Variants in SAMSN1 observed in about 807,000 individuals in gnomAD.
SAMSN1 encodes SAM domain, SH3 domain and nuclear localization signals 1, also known as SAM domain-containing protein SAMSN-1.
A neutral mutation model predicts 42.0 loss-of-function variants in SAMSN1; 31 were observed. The observed-to-expected ratio is 0.74, with a 90% CI of 0.55 to 1.00. The LOEUF (loss-of-function observed/expected upper bound fraction) is 1.00, where lower values mean the gene tolerates loss of function less well. Ranked by LOEUF, SAMSN1 falls within the 50% of genes least tolerant of loss-of-function variation. The pLI is 0.00. For synonymous variants in SAMSN1, 178 were observed against 151.9 expected, an observed-to-expected ratio of 1.17 and a Z score of -1.26; for missense variants, 464 against 439.4, an observed-to-expected ratio of 1.06 and a Z score of -0.50.
chr21:14,561,038 C>T (rs1290954725), intron 2 of SAMSN1, among the ~76,000 whole-genome samples: 3 of 152,164 alleles, frequency 2.0e-5, no homozygotes, highest in African/African-American at 7.2e-5. Flanking sequence ...CCATTCCTTA[C>T]TGCTCAGGGG....
At chr21:14,584,825 T>C (rs1981868784), upstream of SAMSN1, among the ~76,000 whole-genome samples, 2 of 152,222 alleles carry the variant, frequency 1.3e-5, no homozygotes, top group East Asian at 3.8e-4. Flanking sequence ...TTTATAATAA[T>C]GCTTTCCAAT....
rs1327164401 is a variant in SAMSN1, at chr21:14,521,062, T to C, written c.129+88A>G. 3.7e-6 allele frequency: 3 copies of C among 800,308 alleles called. No individual in the cohort carries two copies. The Admixed American group carries it at 8.1e-5, about 22-fold the overall frequency. The allele number at this position is 800,308 out of a possible 1,614,324, so 49.6% of individuals were successfully genotyped here. On this transcript the variant is annotated intron_variant, in intron 2 of 7. Coordinates refer to ENST00000400566, the MANE Select transcript of SAMSN1 (RefSeq NM_022136.5). The stretch of plus-strand genomic sequence containing the variant: ...TAATTTTAAAATGTATTCATTTTTC[T>C]TATTTTACTTTGCAAAAGTGACATT...
At chr21:14,569,990 C>CA (rs368774943) in intron 2 of SAMSN1, among the ~76,000 whole-genome samples, 1 of 151,628 alleles carries the variant, frequency 6.6e-6, no homozygotes, top group African/African-American at 2.4e-5. Context: ...ACTTTCCCCC[C>CA]CCCCAGTTTT....
intron 7 of SAMSN1, among the ~76,000 whole-genome samples, chr21:14,493,571 AAC>A (rs779839095): frequency 1.2e-4 from 8 of 66,586 alleles, no homozygotes; most frequent in South Asian, 4.2e-4. Context: ...GTGTTTATGG[AAC>A]AACACACACA....
chr21:14,527,400 T>C (rs1978933479), intron 1 of SAMSN1, among the ~76,000 whole-genome samples: 1 of 152,176 alleles, frequency 6.6e-6, no homozygotes, highest in Non-Finnish European at 1.5e-5. Context: ...CTGTGGGGTG[T>C]CAGGAAACTG....
intron 2 of SAMSN1, 40 bp downstream of exon 2, chr21:14,521,110 T>G (rs776673853): frequency 1.6e-6 from 2 of 1,213,586 alleles, no homozygotes; most frequent in Non-Finnish European, 2.4e-6. Context: ...TTTCATAATG[T>G]GTTTGCATAA....
At chr21:14,602,502 G>A (rs944968346) in intron 5 of SAMSN1, among the ~76,000 whole-genome samples, 1 of 152,120 alleles carries the variant, frequency 6.6e-6, no homozygotes, top group Non-Finnish European at 1.5e-5. Context: ...AGCTTCATTA[G>A]CTTAGGTCTT....
chr21:14,562,702 G>A (rs116782243), intron 2 of SAMSN1, among the ~76,000 whole-genome samples: 148 of 151,836 alleles, frequency 9.7e-4, no homozygotes, highest in African/African-American at 3.4e-3. Context: ...TGTTTTTCTT[G>A]ATCTTTATCC....
chr21:14,658,911 T>A, upstream of SAMSN1: 1 of 633,486 alleles, frequency 1.6e-6, no homozygotes, highest in Non-Finnish European at 2.9e-6. Context: ...ATCCAGGGGA[T>A]TCAGAGACCA....
chr21:14,638,411 C>T (rs1334832056), intron 2 of SAMSN1, among the ~76,000 whole-genome samples: 3 of 152,098 alleles, frequency 2.0e-5, no homozygotes, highest in Admixed American at 2.0e-4. Flanking sequence ...ACTCAATTGC[C>T]ACCTGTGGTT....
rs529399917 is a variant in SAMSN1 at position 14,507,211 on chromosome 21, G to A, written c.561+3099C>T. Among the ~76,000 whole-genome samples the A allele has an allele frequency of 8.5e-5, 13 of 152,274 alleles. No individual in the cohort carries two copies. In the South Asian group the frequency reaches 1.9e-3, roughly 22 times the overall value. On this transcript the variant is annotated intron_variant, in intron 5 of 7. Transcript: ENST00000400566. ...AGCCAGAGCAATCAGACAAGAGAAA[G>A]AAATAAAGGGCATCTAAATCACTGA...
In SAMSN1 at chr21:14,649,098, G is replaced by T. The variant is rs577020402; in HGVS notation, c.25-5965C>A. On this transcript the variant is annotated intron_variant, in intron 1 of 15. Coordinates refer to the SAMSN1 transcript ENST00000647101. ...TGGAATACTATGCAGCCATAAAAAA[G>T]GATGAGTTCATGTCCTTTGTAGGGA... 2.1e-3 allele frequency among the ~76,000 whole-genome samples: 324 copies of T among 151,958 alleles called. 2 individuals are homozygous for T. The highest frequency in any genetic ancestry group is 7.3e-3 in the African/African-American group (301 of 41,436).
chr21:14,485,422 A>T lies in SAMSN1; in HGVS notation c.*490T>A, dbSNP rs949192616. 6.6e-6 allele frequency: 1 copy of T among 152,546 alleles called. No homozygotes were observed. The highest frequency in any genetic ancestry group is 2.4e-5 in the African/African-American group (1 of 41,450). The allele number at this position is 152,546 out of a possible 1,614,324, so 9.4% of individuals were successfully genotyped here. A position where few individuals can be genotyped will look rare whatever the true frequency, so the allele number is the denominator to read the frequency against. ...AACAAAATATAATTACTAAAACTCC[A>T]CTGTGGATCAGGATAAAATGTGTCC... On this transcript the variant is annotated 3_prime_UTR_variant, in exon 8 of 8. Coordinates refer to ENST00000400566, the MANE Select transcript of SAMSN1 (RefSeq NM_022136.5).
intron 2 of SAMSN1, among the ~76,000 whole-genome samples, chr21:14,633,196 TAC>T (rs1174071011): frequency 1.3e-5 from 2 of 151,564 alleles, no homozygotes; most frequent in Non-Finnish European, 3.0e-5. Context: ...TCTCTCTCTC[TAC>T]ACACACACAC....
At chr21:14,565,058 G>T (rs550347356) in intron 2 of SAMSN1, among the ~76,000 whole-genome samples, 2 of 152,084 alleles carry the variant, frequency 1.3e-5, no homozygotes, top group African/African-American at 4.8e-5. Flanking sequence ...ACTTTGGGAG[G>T]CTGAGGTGGG....
At chr21:14,613,150 GA>G (rs1177097887) in intron 3 of SAMSN1, among the ~76,000 whole-genome samples, 2 of 151,962 alleles carry the variant, frequency 1.3e-5, no homozygotes, top group South Asian at 2.1e-4. Flanking sequence ...CATAAGACCT[GA>G]AAAAAATAGT....
intron 3 of SAMSN1, among the ~76,000 whole-genome samples, chr21:14,513,865 G>A (rs1437965863): frequency 1.3e-5 from 2 of 152,326 alleles, no homozygotes; most frequent in African/African-American, 4.8e-5. Flanking sequence ...TGTAGTGTGA[G>A]AAAGGAGAAT....
At chr21:14,602,014 T>A in intron 6 of SAMSN1, 1 of 685,196 alleles carries the variant, frequency 1.5e-6, no homozygotes, top group Non-Finnish European at 2.7e-6. Context: ...TGCTGATTAT[T>A]CACATTACCT....
chr21:14,618,679 TGTGTGTGTGTGTGCGC>T (rs1394633380), intron 2 of SAMSN1, among the ~76,000 whole-genome samples: 22 of 79,800 alleles, frequency 2.8e-4, no homozygotes, highest in African/African-American at 1.2e-3. Flanking sequence ...TGTGTGTGTG[TGTGTGTGTGTGTGCGC>T]GCGCGCGCAC....
Sources: allele counts gnomAD v4.1 joint callset (sites outside exome capture counted in the v4.1 genomes callset), GRCh38; gene constraint gnomAD v4.1.1; transcripts MANE v1.5; gene names NCBI Gene and HGNC (gene_info 2026-07-23, HGNC 2026-07-21).